RNF182: variants seen among roughly 807,000 people sequenced by gnomAD.
RNF182 encodes the protein E3 ubiquitin-protein ligase RNF182.
In RNF182, 15 loss-of-function variants were observed where a neutral mutation model predicts 14.4. The ratio of observed to expected loss-of-function variants is 1.04; its 90% CI spans 0.70 to 1.60. The LOEUF is 1.60. Among genes scored for constraint, RNF182 ranks in the 40% most tolerant of loss-of-function variants. The pLI, the probability that RNF182 is intolerant of heterozygous loss-of-function variation, is 0.00. For synonymous variants in RNF182, 128 were observed against 122.9 expected (o/e 1.04, Z -0.27); for missense variants, 268 against 294.8 (o/e 0.91, Z 0.67).
intron 1 of RNF182, among the ~76,000 whole-genome samples, chr6:13,927,049 T>C (rs1236832581): frequency 6.6e-6 from 1 of 152,160 alleles, no homozygotes; most frequent in Non-Finnish European, 1.5e-5. Flanking sequence ...TCAATATAGT[T>C]TGGCTTCTTC....
intron 1 of RNF182, among the ~76,000 whole-genome samples, chr6:13,938,859 G>T (rs1257878843): frequency 6.6e-6 from 1 of 152,128 alleles, no homozygotes; most frequent in Non-Finnish European, 1.5e-5. Context: ...GAGGTGGGTG[G>T]ATCACCTGAG....
At chr6:13,968,612 T>A (rs912962865) in intron 1 of RNF182, among the ~76,000 whole-genome samples, 1 of 152,164 alleles carries the variant, frequency 6.6e-6, no homozygotes, top group Admixed American at 6.6e-5. Flanking sequence ...AGAGACCAAT[T>A]TAATTTTCAG....
intron 1 of RNF182, among the ~76,000 whole-genome samples, chr6:13,968,752 G>C (rs897212838): frequency 6.6e-6 from 1 of 152,158 alleles, no homozygotes; most frequent in Non-Finnish European, 1.5e-5. Context: ...AAATATGTCT[G>C]ATGACCTTTG....
At position 13,977,191 on chromosome 6, in the gene RNF182, C is replaced by G. The variant is rs760821173; in HGVS notation, c.72C>G (p.Tyr24Ter). The G allele has an allele frequency of 1.2e-6, 2 of 1,614,144 alleles. No homozygotes were observed. Among genetic ancestry groups the G allele is most frequent in the South Asian group, 1.1e-5 (1 of 91,084 alleles). ...ASDELECKIC[Y>*]NRYNLKQRKP... ...ATGAGCTGGAGTGCAAAATCTGTTACAATCGATACAATCTGAAACAGAGGA... is the reference window on the plus strand; with the variant it reads ...ATGAGCTGGAGTGCAAAATCTGTTAGAATCGATACAATCTGAAACAGAGGA... Residue 24 changes from tyrosine to a stop codon, truncating the protein, a stop_gained, in exon 3 of 3, where the codon TAC becomes TAG. Transcript: ENST00000488300. LOFTEE classifies it high-confidence loss of function.
At chr6:13,971,737 A>T (rs1284844678) in intron 1 of RNF182, among the ~76,000 whole-genome samples, 1 of 152,222 alleles carries the variant, frequency 6.6e-6, no homozygotes, top group Non-Finnish European at 1.5e-5. Flanking sequence ...AATAAGGTCC[A>T]GGTTGAGGTT....
chr6:13,964,642 C>A lies in RNF182; in HGVS notation c.-366-9568C>A, dbSNP rs116730817. On this transcript the variant is annotated intron_variant, in intron 1 of 2. Transcript: ENST00000488300. ...AAAGCTGAGGGTGGGGAGTGGGGAG[C>A]AGATGGGGGATTCCTTCCTAGGCTT... Among the ~76,000 whole-genome samples, 218 of 152,146 alleles carry A rather than the reference C, an allele frequency of 1.4e-3. 1 individual carries two copies. Among genetic ancestry groups the A allele is most frequent in the African/African-American group, 5.0e-3 (208 of 41,518 alleles).
chr6:13,949,874 AT>A (rs1161514092), intron 1 of RNF182, among the ~76,000 whole-genome samples: 1 of 152,130 alleles, frequency 6.6e-6, no homozygotes, highest in East Asian at 1.9e-4. Context: ...CCTGTTGTGC[AT>A]TTTTCCAGTA....
At chr6:13,963,038 G>A (rs893192255) in intron 1 of RNF182, among the ~76,000 whole-genome samples, 2 of 152,052 alleles carry the variant, frequency 1.3e-5, no homozygotes, top group Non-Finnish European at 2.9e-5. Flanking sequence ...GTAATCTTAG[G>A]AAAGATACTT....
chr6:13,941,603 T>C (rs1305981559), intron 1 of RNF182, among the ~76,000 whole-genome samples: 3 of 152,138 alleles, frequency 2.0e-5, no homozygotes, highest in Non-Finnish European at 4.4e-5. Flanking sequence ...ATCTGTTCTT[T>C]GTTCTTTTTT....
chr6:13,964,256 T>C (rs1245292025), intron 1 of RNF182, among the ~76,000 whole-genome samples: 2 of 152,090 alleles, frequency 1.3e-5, no homozygotes, highest in Admixed American at 6.5e-5. Context: ...CAGTTTGATA[T>C]AGAGGAAGTA....
intron 1 of RNF182, among the ~76,000 whole-genome samples, chr6:13,934,912 G>C (rs1759068844): frequency 6.6e-6 from 1 of 152,216 alleles, no homozygotes; most frequent in East Asian, 1.9e-4. Context: ...CAAAGGCCCT[G>C]AGGCAGAGAG....
At chr6:13,966,731 C>T (rs1210027371) in intron 1 of RNF182, among the ~76,000 whole-genome samples, 1 of 152,096 alleles carries the variant, frequency 6.6e-6, no homozygotes, top group African/African-American at 2.4e-5. Context: ...CCACTGCACT[C>T]CAGCCTGGGC....
Position 13,952,887 on chromosome 6 carries a change from A to C in RNF182, c.-366-21323A>C, listed in dbSNP as rs556154931. Among the ~76,000 whole-genome samples, 4 of 152,352 alleles carry C rather than the reference A, an allele frequency of 2.6e-5. No individual in the cohort carries two copies. In the South Asian group the frequency reaches 8.3e-4, roughly 32 times the overall value. ...GTTTATATATAAGATAACAAAGCAA[A>C]AAGTCGTAGGGAGATGTGCTCTACT... On this transcript the variant is annotated intron_variant, in intron 1 of 2. Coordinates refer to ENST00000488300, the MANE Select transcript of RNF182 (RefSeq NM_152737.4).
In RNF182 at chr6:13,976,995, C is replaced by G; in HGVS notation, c.-125C>G. On this transcript the variant is annotated 5_prime_UTR_variant, in exon 3 of 3. Coordinates refer to ENST00000488300, the MANE Select transcript of RNF182 (RefSeq NM_152737.4). ...TGCCTGGAAGATTTCTGGTTTCTTT[C>G]ACTACTTATCCTGCCTTTTTGCATC... The G allele has an allele frequency of 2.0e-6, 2 of 1,022,420 alleles. No individual in the cohort carries two copies. The highest frequency in any genetic ancestry group is 2.9e-6 in the Non-Finnish European group (2 of 696,106). 63.3% of individuals were successfully genotyped at this position (1,022,420 alleles called of 1,614,324 possible).
chr6:13,936,952 G>A (rs1288472217), intron 1 of RNF182, among the ~76,000 whole-genome samples: 1 of 152,150 alleles, frequency 6.6e-6, no homozygotes, highest in Non-Finnish European at 1.5e-5. Context: ...AGGTCGAGGA[G>A]GAGAAAGGAG....
chr6:13,960,697 G>GCGTGCGCA lies in RNF182; in HGVS notation c.-366-13508_-366-13507insGCACGTGC, dbSNP rs1554126703. Among the ~76,000 whole-genome samples, 10 of 149,838 alleles carry GCGTGCGCA rather than the reference G, an allele frequency of 6.7e-5. No homozygotes were observed. The South Asian group carries it at 8.5e-4, about 13-fold the overall frequency. On this transcript the variant is annotated intron_variant, in intron 1 of 2. Transcript: ENST00000488300. ...TGTGTGTGTGTGTGTGTGTGTGCGC[G>GCGTGCGCA]CGTGCACATGCATGTGATGTACAGT...
intron 1 of RNF182, among the ~76,000 whole-genome samples, chr6:13,966,131 A>G (rs191576871): frequency 2.5e-4 from 38 of 152,338 alleles, no homozygotes; most frequent in Non-Finnish European, 4.6e-4. Flanking sequence ...CAGAGAGAAA[A>G]AAGACAGCAG....
At chr6:13,939,510 GTTTTTA>G (rs1759230998) in intron 1 of RNF182, among the ~76,000 whole-genome samples, 1 of 151,298 alleles carries the variant, frequency 6.6e-6, no homozygotes, top group African/African-American at 2.4e-5. Context: ...ATACATTTTT[GTTTTTA>G]TTTTTTTATT....
At chr6:13,964,626 G>T (rs532960505) in intron 1 of RNF182, among the ~76,000 whole-genome samples, 2 of 152,278 alleles carry the variant, frequency 1.3e-5, no homozygotes, top group African/African-American at 4.8e-5. Flanking sequence ...GAAAGCTGAG[G>T]GTGGGGAGTG....
Sources: gnomAD v4.1 joint callset for allele counts (sites outside exome capture counted in the v4.1 genomes callset) on GRCh38, gnomAD v4.1.1 for gene constraint, MANE v1.5 for transcripts, NCBI Gene and HGNC (gene_info 2026-07-23, HGNC 2026-07-21) for gene names.